Variants in LARP4B observed in about 807,000 individuals in gnomAD.
LARP4B encodes the protein La ribonucleoprotein 4B, also known as la-related protein 4B.
In LARP4B, 12 loss-of-function variants were observed where a neutral mutation model predicts 89.8. The observed-to-expected ratio is 0.13, with a 90% CI of 0.09 to 0.22. The LOEUF (loss-of-function observed/expected upper bound fraction) is 0.22, where lower values mean the gene tolerates loss of function less well. Among genes scored for constraint, LARP4B ranks in the 10% least tolerant of loss-of-function variants. LARP4B has a pLI of 1.00. For missense variants in LARP4B, 757 were observed against 947.7 expected, an observed-to-expected ratio of 0.80 and a Z score of 2.64; for synonymous variants, 367 against 363.3, an observed-to-expected ratio of 1.01 and a Z score of -0.12.
At chr10:932,824 A>C (rs1345273185), upstream of LARP4B, among the ~76,000 whole-genome samples, 7 of 100,518 alleles carry the variant, frequency 7.0e-5, no homozygotes, top group South Asian at 3.9e-4. Context: ...CCCGCCCCAC[A>C]CCCCTAACCA....
At chr10:815,209 A>T in intron 15 of LARP4B, 139 bp from the exon 16 acceptor site, 1 of 966,960 alleles carries the variant, frequency 1.0e-6, no homozygotes, top group Non-Finnish European at 1.4e-6. Context: ...CTCCAGCAAA[A>T]ATGTCACAGA....
At chr10:947,617 T>TTTTTG in the LARP4B span, among the ~76,000 whole-genome samples, 1 of 152,152 alleles carries the variant, frequency 6.6e-6, no homozygotes, top group African/African-American at 2.4e-5. Context: ...TGAAATGAGT[T>TTTTTG]TTTTGTTTTG....
intron 1 of LARP4B, among the ~76,000 whole-genome samples, chr10:921,837 A>G (rs1438593535): frequency 6.6e-6 from 1 of 152,256 alleles, no homozygotes; most frequent in African/African-American, 2.4e-5. Context: ...GTGTGTACAA[A>G]GAAATGGGAA....
At chr10:935,903 TTTTG>T (rs1189545835), upstream of LARP4B, among the ~76,000 whole-genome samples, 1 of 150,852 alleles carries the variant, frequency 6.6e-6, no homozygotes, top group Non-Finnish European at 1.5e-5. Flanking sequence ...TGTTTTTTTT[TTTTG>T]TTTGTTTTTT....
At chr10:963,036 T>A in the LARP4B span, among the ~76,000 whole-genome samples, 1 of 152,174 alleles carries the variant, frequency 6.6e-6, no homozygotes. Context: ...ACTCTAAGCT[T>A]GCACTAAACT....
chr10:907,267 CA>C (rs1291467693), intron 1 of LARP4B, among the ~76,000 whole-genome samples: 1 of 152,072 alleles, frequency 6.6e-6, no homozygotes, highest in Non-Finnish European at 1.5e-5. Flanking sequence ...CTTGTGGCAA[CA>C]AATGTGGGAA....
At chr10:964,796 G>A in the LARP4B span, among the ~76,000 whole-genome samples, 9 of 152,208 alleles carry the variant, frequency 5.9e-5, no homozygotes, top group Non-Finnish European at 1.2e-4. Context: ...GGGGCTGCGG[G>A]GAGAGAGGGA....
At chr10:909,640 G>A (rs11592807) in intron 1 of LARP4B, among the ~76,000 whole-genome samples, 1 of 151,390 alleles carries the variant, frequency 6.6e-6, no homozygotes, top group African/African-American at 2.4e-5. Context: ...CAAAAATTTG[G>A]CAGGCATGGT....
At chr10:863,524 C>CG (rs1315418539) in intron 5 of LARP4B, among the ~76,000 whole-genome samples, 3 of 152,180 alleles carry the variant, frequency 2.0e-5, no homozygotes, top group African/African-American at 7.2e-5. Flanking sequence ...CCCCCGCGCC[C>CG]GGCCCAGGTT....
rs1488670874 is a variant in LARP4B at position 826,611 on chromosome 10, A to G, written c.1126-741T>C. Among the ~76,000 whole-genome samples the G allele has an allele frequency of 5.3e-5, 8 of 152,312 alleles. No individual in the cohort carries two copies. The East Asian group carries it at 1.5e-3, about 29-fold the overall frequency. ...CAGTTCCTTTAAAAACAAACAAACA[A>G]ACAAAACTCAAGACCATTCATTCTA... On this transcript the variant is annotated intron_variant, in intron 11 of 17. Coordinates refer to ENST00000316157, the MANE Select transcript of LARP4B (RefSeq NM_015155.3).
At chr10:939,117 G>A in the LARP4B span, among the ~76,000 whole-genome samples, 3 of 152,242 alleles carry the variant, frequency 2.0e-5, no homozygotes, top group Non-Finnish European at 4.4e-5. Flanking sequence ...GACAGCGTAT[G>A]GCTCAAAAAG....
intron 1 of LARP4B, among the ~76,000 whole-genome samples, chr10:914,049 A>G (rs1826269986): frequency 6.6e-6 from 1 of 152,234 alleles, no homozygotes; most frequent in Admixed American, 6.5e-5. Context: ...TAATCATAAA[A>G]TATCTATCTC....
chr10:945,913 A>G, the LARP4B span, among the ~76,000 whole-genome samples: 2 of 152,170 alleles, frequency 1.3e-5, no homozygotes, highest in Non-Finnish European at 2.9e-5. Context: ...ACACTGCGAG[A>G]AGCTGCCATC....
At chr10:964,069 T>C in the LARP4B span, among the ~76,000 whole-genome samples, 1 of 152,172 alleles carries the variant, frequency 6.6e-6, no homozygotes, top group Non-Finnish European at 1.5e-5. Flanking sequence ...ATCCAAATCT[T>C]TTTATTTATA....
chr10:892,379 T>C (rs887277099), intron 1 of LARP4B, among the ~76,000 whole-genome samples: 1 of 152,214 alleles, frequency 6.6e-6, no homozygotes, highest in Admixed American at 6.5e-5. Flanking sequence ...TAAATCAGTT[T>C]CTAAAAATTT....
intron 3 of LARP4B, among the ~76,000 whole-genome samples, chr10:868,378 T>TAA (rs35215345): frequency 0.12 from 15,231 of 123,242 alleles, 1,032 homozygotes; most frequent in Non-Finnish European, 0.17. Context: ...AAGATTTGCT[T>TAA]AAAAAAAAAA....
intron 15 of LARP4B, chr10:815,858 C>T (rs1300181488): frequency 6.6e-6 from 1 of 152,264 alleles, no homozygotes; most frequent in African/African-American, 2.4e-5. Context: ...CGCTGCAATT[C>T]CTGCGCTCGA....
At chr10:819,813 T>C (rs1832251577) in intron 14 of LARP4B, 1 of 152,256 alleles carries the variant, frequency 6.6e-6, no homozygotes, top group Admixed American at 6.5e-5. Flanking sequence ...TTCTGAGTTC[T>C]AAACAGAGAT....
At chr10:863,626 G>T in intron 5 of LARP4B, 117 bp downstream of exon 5, 1 of 1,149,070 alleles carries the variant, frequency 8.7e-7, no homozygotes, top group Non-Finnish European at 1.2e-6. Flanking sequence ...GTTTAAAGTA[G>T]AATTAAAAGC....
Sources: gnomAD v4.1 joint callset for allele counts (sites outside exome capture counted in the v4.1 genomes callset) on GRCh38, gnomAD v4.1.1 for gene constraint, MANE v1.5 for transcripts, NCBI Gene and HGNC (gene_info 2026-07-23, HGNC 2026-07-21) for gene names.